Variants in LEMD3 observed in about 807,000 individuals in gnomAD.
The protein encoded by LEMD3 is inner nuclear membrane protein Man1.
Under a neutral mutation model 95.2 loss-of-function variants are expected in LEMD3, and 33 were observed. The ratio of observed to expected loss-of-function variants is 0.35; its 90% CI spans 0.26 to 0.46. The LOEUF is 0.46. LEMD3 is among the 20% of genes least tolerant of loss of function. The pLI, the probability that LEMD3 is intolerant of heterozygous loss-of-function variation, is 1.00. For missense variants in LEMD3, 1,210 were observed against 1,192.8 expected (o/e 1.01, Z -0.21); for synonymous variants, 525 against 474.6 (o/e 1.11, Z -1.38).
chr12:65,221,305 G>T (rs1269292668), intron 4 of LEMD3, among the ~76,000 whole-genome samples: 1 of 150,948 alleles, frequency 6.6e-6, no homozygotes, highest in African/African-American at 2.4e-5. Context: ...CTCCTTTTCA[G>T]ATTGTTGTTA....
intron 1 of LEMD3, among the ~76,000 whole-genome samples, chr12:65,196,964 C>T (rs924799484): frequency 6.6e-6 from 1 of 152,096 alleles, no homozygotes; most frequent in Non-Finnish European, 1.5e-5. Flanking sequence ...GCACTCAGAA[C>T]CAGAAGAGGT....
chr12:65,243,705 C>A (rs1052873375), intron 10 of LEMD3, among the ~76,000 whole-genome samples: 1 of 152,166 alleles, frequency 6.6e-6, no homozygotes, highest in Non-Finnish European at 1.5e-5. Context: ...TATGAATCGT[C>A]ATAGCAGATA....
chr12:65,210,843 A>G (rs1020261250), intron 1 of LEMD3, 83 bp from the exon 2 acceptor site: 5 of 1,021,480 alleles, frequency 4.9e-6, no homozygotes, highest in African/African-American at 1.6e-5. Context: ...AGCAAAGTAC[A>G]TGCTGGCATT....
At chr12:65,204,425 A>G (rs555431778) in intron 1 of LEMD3, among the ~76,000 whole-genome samples, 20 of 152,054 alleles carry the variant, frequency 1.3e-4, no homozygotes, top group Non-Finnish European at 2.8e-4. Flanking sequence ...GTGAGAACAT[A>G]GAGTATTTGG....
In LEMD3 at chr12:65,216,099, T is replaced by C. The variant is rs1870103192; in HGVS notation, c.1627+56T>C. On this transcript the variant is annotated intron_variant, in intron 3 of 12. Coordinates refer to ENST00000308330, the MANE Select transcript of LEMD3 (RefSeq NM_014319.5). Reference sequence around the variant, plus strand: ...AATGTTTTGAAAAATGTATGTAGCATGTTATTAGTAGAAAATATTTTTCCA... The same window carrying C: ...AATGTTTTGAAAAATGTATGTAGCACGTTATTAGTAGAAAATATTTTTCCA... 2.8e-6 allele frequency: 3 copies of C among 1,053,788 alleles called. No individual in the cohort carries two copies. The African/African-American group carries it at 4.7e-5, about 17-fold the overall frequency. 65.3% of individuals were successfully genotyped at this position (1,053,788 alleles called of 1,614,324 possible).
intron 1 of LEMD3, among the ~76,000 whole-genome samples, chr12:65,189,395 AG>A (rs936471615): frequency 2.0e-5 from 3 of 152,190 alleles, no homozygotes; most frequent in African/African-American, 7.2e-5. Flanking sequence ...CAGTTGGTCA[AG>A]GTTTCTAGAT....
intron 1 of LEMD3, among the ~76,000 whole-genome samples, chr12:65,199,955 C>T (rs777000638): frequency 1.2e-4 from 18 of 152,030 alleles, no homozygotes; most frequent in South Asian, 4.2e-4. Context: ...GGCTGATTGA[C>T]GCTGACTTCC....
At chr12:65,191,315 T>C (rs1869232661) in intron 1 of LEMD3, among the ~76,000 whole-genome samples, 2 of 152,106 alleles carry the variant, frequency 1.3e-5, no homozygotes, top group Non-Finnish European at 2.9e-5. Context: ...TAAGAATTTA[T>C]TATGCAATCG....
At chr12:65,211,106 A>G (rs1869924636) in intron 2 of LEMD3, 143 bp downstream of exon 2, 3 of 659,710 alleles carry the variant, frequency 4.5e-6, no homozygotes, top group Non-Finnish European at 7.9e-6. Context: ...AAAAATAGTA[A>G]TTTTAAGGTT....
chr12:65,203,844 T>A (rs935007603), intron 1 of LEMD3, among the ~76,000 whole-genome samples: 1 of 152,228 alleles, frequency 6.6e-6, no homozygotes, highest in Non-Finnish European at 1.5e-5. Flanking sequence ...GATATTGTTA[T>A]GTCTTCTTAG....
intron 4 of LEMD3, among the ~76,000 whole-genome samples, chr12:65,237,319 T>A (rs78438618): frequency 7.2e-5 from 11 of 152,178 alleles, no homozygotes; most frequent in Non-Finnish European, 1.0e-4. Context: ...TCTGTCATGA[T>A]GTTTTAGTTG....
chr12:65,176,107 C>T (rs1054905530), intron 1 of LEMD3, among the ~76,000 whole-genome samples: 6 of 152,316 alleles, frequency 3.9e-5, no homozygotes, highest in Admixed American at 2.0e-4. Context: ...AATGGTGTCC[C>T]TGCTTCTAGG....
intron 1 of LEMD3, among the ~76,000 whole-genome samples, chr12:65,206,929 A>G (rs1372381466): frequency 2.6e-5 from 4 of 152,116 alleles, no homozygotes; most frequent in African/African-American, 9.7e-5. Context: ...AGTTATTTCT[A>G]TGATGAGAGT....
chr12:65,218,537 T>C lies in LEMD3; in HGVS notation c.1628-15T>C. ...GAGTACTGATTCAAAATTAATAATA[T>C]GCTAATCTTTCCAGGAGATCATGAA... On this transcript the variant is annotated splice_polypyrimidine_tract_variant and intron_variant, in intron 3 of 12. Coordinates refer to ENST00000308330, the MANE Select transcript of LEMD3 (RefSeq NM_014319.5). 1.3e-6 allele frequency: 2 copies of C among 1,566,676 alleles called. No individual in the cohort carries two copies. The highest frequency in any genetic ancestry group is 1.8e-6 in the Non-Finnish European group (2 of 1,140,168).
intron 1 of LEMD3, among the ~76,000 whole-genome samples, chr12:65,198,598 G>A (rs567108189): frequency 5.3e-5 from 8 of 152,034 alleles, no homozygotes; most frequent in African/African-American, 1.4e-4. Context: ...CTCGGTATCC[G>A]TGGGGGATTT....
In LEMD3 at chr12:65,246,249, C is replaced by T; in HGVS notation, c.2660C>T (p.Pro887Leu). Residue 887 changes from proline (P) to leucine (L), a missense_variant, in exon 13 of 13, where the codon CCA (proline) becomes CTA (leucine). Pro to Leu is a moderately conservative substitution (Grantham distance 98). Around this residue, in one of 2 missense-constraint regions of LEMD3, gnomAD observed 461 missense variants for 569.8 expected, o/e 0.81. Coordinates refer to ENST00000308330, the MANE Select transcript of LEMD3 (RefSeq NM_014319.5). Reference sequence around the variant, plus strand: ...CTCACTTCCAACACTCCATTGAAGCCATCAAATAAACATATGAACTCCATG... The same window carrying T: ...CTCACTTCCAACACTCCATTGAAGCTATCAAATAAACATATGAACTCCATG... Reference protein sequence around the residue: ...QALTSNTPLKPSNKHMNSMSH... With the variant: ...QALTSNTPLKLSNKHMNSMSH... 1.2e-6 allele frequency: 2 copies of T among 1,612,898 alleles called. No homozygotes were observed. Among genetic ancestry groups the T allele is most frequent in the Non-Finnish European group, 1.7e-6 (2 of 1,179,032 alleles).
chr12:65,195,571 G>A (rs1869404378), intron 1 of LEMD3, among the ~76,000 whole-genome samples: 1 of 152,086 alleles, frequency 6.6e-6, no homozygotes, highest in Non-Finnish European at 1.5e-5. Flanking sequence ...TAAAGGGATT[G>A]CTCTTAGGTT....
chr12:65,194,275 A>G (rs1055481430), intron 1 of LEMD3, among the ~76,000 whole-genome samples: 2 of 152,180 alleles, frequency 1.3e-5, no homozygotes, highest in Non-Finnish European at 2.9e-5. Context: ...TGTTGCCCAG[A>G]TAGAGCTGAT....
At chr12:65,187,282 T>C (rs1171152957) in intron 1 of LEMD3, among the ~76,000 whole-genome samples, 1 of 152,130 alleles carries the variant, frequency 6.6e-6, no homozygotes, top group Non-Finnish European at 1.5e-5. Flanking sequence ...GTGTTTACTA[T>C]GAGGATATGT....
Sources: gnomAD v4.1 joint callset for allele counts (sites outside exome capture counted in the v4.1 genomes callset) on GRCh38, gnomAD v4.1.1 for gene constraint, gnomAD v4.1.1 regional missense constraint, MANE v1.5 for transcripts, NCBI Gene and HGNC (gene_info 2026-07-23, HGNC 2026-07-21) for gene names.